Variants in IQUB observed in about 807,000 individuals in gnomAD.
IQUB encodes the protein IQ motif and ubiquitin-like domain-containing protein.
Under a neutral mutation model 86.4 loss-of-function variants are expected in IQUB, and 86 were observed. That is an observed-to-expected ratio of 1.00 (90% CI 0.84 to 1.19). The LOEUF (loss-of-function observed/expected upper bound fraction) is 1.19. Ranked by LOEUF, IQUB falls within the 50% of genes most tolerant of loss-of-function variation. The probability of loss-of-function intolerance (pLI) is 0.00; values close to 1 mark genes in which losing one functional copy is unlikely to be tolerated. For synonymous variants in IQUB, 289 were observed against 304.5 expected (o/e 0.95, Z 0.53); for missense variants, 946 against 916.9 (o/e 1.03, Z -0.41).
intron 1 of IQUB, among the ~76,000 whole-genome samples, chr7:123,515,789 A>C (rs1252733975): frequency 6.6e-6 from 1 of 152,266 alleles, no homozygotes; most frequent in African/African-American, 2.4e-5. Flanking sequence ...GACAAGTGGT[A>C]CACACAACAA....
At position 123,469,213 on chromosome 7, in the gene IQUB, C is replaced by A. The variant is rs1794410693; in HGVS notation, c.1581+1G>T. The A allele has an allele frequency of 1.3e-6, 2 of 1,548,788 alleles. No homozygotes were observed. ...CCCAAACTAAGAGAAAGTTAACATACCTTTACAGTGTGTTTAAGAGTTAAC... is the reference window on the plus strand; with the variant it reads ...CCCAAACTAAGAGAAAGTTAACATAACTTTACAGTGTGTTTAAGAGTTAAC... On this transcript the variant is annotated splice_donor_variant, in intron 9 of 12. Coordinates refer to ENST00000324698, the MANE Select transcript of IQUB (RefSeq NM_178827.5). LOFTEE classifies it high-confidence loss of function.
chr7:123,465,341 G>T (rs1365800292), intron 9 of IQUB, among the ~76,000 whole-genome samples: 2 of 151,894 alleles, frequency 1.3e-5, no homozygotes, highest in Non-Finnish European at 2.9e-5. Flanking sequence ...GATTTATACA[G>T]AGGTGGTAAA....
intron 7 of IQUB, among the ~76,000 whole-genome samples, chr7:123,493,731 A>ATATGTGTG (rs1795585120): frequency 8.9e-6 from 1 of 112,564 alleles, no homozygotes; most frequent in East Asian, 3.0e-4. Context: ...ATGTGTGTGT[A>ATATGTGTG]TGTGTGTGTG....
intron 6 of IQUB, among the ~76,000 whole-genome samples, chr7:123,498,851 G>A (rs1795818951): frequency 6.6e-6 from 1 of 152,192 alleles, no homozygotes; most frequent in South Asian, 2.1e-4. Context: ...GTGATGAAAT[G>A]TGGTCATCAG....
At chr7:123,492,907 A>G (rs1174971988) in intron 7 of IQUB, among the ~76,000 whole-genome samples, 3 of 152,128 alleles carry the variant, frequency 2.0e-5, no homozygotes, top group African/African-American at 7.2e-5. Flanking sequence ...CTTCACTTCT[A>G]TAGCTGGTCC....
At chr7:123,504,136 A>G (rs1376557496) in intron 3 of IQUB, among the ~76,000 whole-genome samples, 1 of 152,172 alleles carries the variant, frequency 6.6e-6, no homozygotes, top group East Asian at 1.9e-4. Context: ...AAACTACCTG[A>G]GACTGCATAA....
At chr7:123,530,861 G>A (rs1202954895) in intron 1 of IQUB, among the ~76,000 whole-genome samples, 3 of 151,968 alleles carry the variant, frequency 2.0e-5, no homozygotes, top group Non-Finnish European at 4.4e-5. Flanking sequence ...ATTTTTAGCA[G>A]AGACGGGGTT....
chr7:123,485,395 C>G (rs554218478), intron 7 of IQUB, among the ~76,000 whole-genome samples: 4 of 151,998 alleles, frequency 2.6e-5, no homozygotes, highest in Admixed American at 1.3e-4. Flanking sequence ...CTTTAAAAGC[C>G]CTCTCCAAGT....
chr7:123,453,639 T>C lies in IQUB; in HGVS notation c.2194-714A>G, dbSNP rs563183399. On this transcript the variant is annotated intron_variant, in intron 12 of 12. Transcript: ENST00000324698. The stretch of plus-strand genomic sequence containing the variant: ...AGATTAAATATGGCTGAGGAAAAAG[T>C]GAGATGGCCTGAATTTCTGAGAACA... Among the ~76,000 whole-genome samples the C allele has an allele frequency of 6.6e-5, 10 of 151,966 alleles. 1 individual carries two copies. The highest frequency in any genetic ancestry group is 2.4e-4 in the African/African-American group (10 of 41,506).
chr7:123,525,141 A>C (rs963412494), intron 1 of IQUB, among the ~76,000 whole-genome samples: 12 of 152,134 alleles, frequency 7.9e-5, no homozygotes, highest in Non-Finnish European at 1.3e-4. Context: ...ATGTTCATCA[A>C]GGATATTGGT....
intron 7 of IQUB, among the ~76,000 whole-genome samples, chr7:123,489,918 T>A (rs13247358): frequency 1.3e-5 from 2 of 151,626 alleles, no homozygotes; most frequent in Non-Finnish European, 2.9e-5. Flanking sequence ...AGGATGAAAA[T>A]AAATGAAGGG....
intron 1 of IQUB, among the ~76,000 whole-genome samples, chr7:123,529,667 T>C (rs1214762759): frequency 1.4e-5 from 2 of 141,236 alleles, no homozygotes; most frequent in Non-Finnish European, 3.0e-5. Flanking sequence ...TGGGCGGATC[T>C]TGAGGTCAGG....
chr7:123,454,993 G>T (rs1793624002), intron 12 of IQUB, among the ~76,000 whole-genome samples: 1 of 152,104 alleles, frequency 6.6e-6, no homozygotes, highest in African/African-American at 2.4e-5. Context: ...CATTTAAAGG[G>T]TAGAGAGTTA....
chr7:123,456,489 A>G (rs1027949631), intron 12 of IQUB: 1 of 152,106 alleles, frequency 6.6e-6, no homozygotes, highest in East Asian at 1.9e-4. Flanking sequence ...AACTAAAAAA[A>G]TATTTAAAAA....
intron 1 of IQUB, among the ~76,000 whole-genome samples, chr7:123,528,097 A>C (rs1008497206): frequency 1.3e-5 from 2 of 151,956 alleles, no homozygotes; most frequent in East Asian, 1.9e-4. Flanking sequence ...GTCTGTCACC[A>C]CTTTCTTTGA....
chr7:123,520,364 TG>T (rs1796847112), intron 1 of IQUB, among the ~76,000 whole-genome samples: 1 of 152,150 alleles, frequency 6.6e-6, no homozygotes, highest in Non-Finnish European at 1.5e-5. Context: ...AAATATACAT[TG>T]GATCAGATAA....
chr7:123,503,851 T>C (rs1171572871), intron 3 of IQUB, among the ~76,000 whole-genome samples: 1 of 152,072 alleles, frequency 6.6e-6, no homozygotes, highest in Non-Finnish European at 1.5e-5. Flanking sequence ...AGAGTTTTAG[T>C]GGCATTCTTG....
chr7:123,457,281 T>C, intron 12 of IQUB, 100 bp downstream of exon 12: 1 of 1,474,598 alleles, frequency 6.8e-7, no homozygotes, highest in Non-Finnish European at 9.0e-7. Flanking sequence ...CTTAATCTGA[T>C]GGAAGTATTT....
chr7:123,531,275 T>G (rs540040506), intron 1 of IQUB, among the ~76,000 whole-genome samples: 1 of 152,312 alleles, frequency 6.6e-6, no homozygotes, highest in East Asian at 1.9e-4. Flanking sequence ...GAGGACCATA[T>G]AGTAAATACA....
Sources: gnomAD v4.1 joint callset for allele counts (sites outside exome capture counted in the v4.1 genomes callset) on GRCh38, gnomAD v4.1.1 for gene constraint, MANE v1.5 for transcripts, NCBI Gene and HGNC (gene_info 2026-07-23, HGNC 2026-07-21) for gene names.